Variants in CALD1 observed in about 807,000 individuals in gnomAD.
CALD1 encodes caldesmon.
CALD1 carries 33 observed loss-of-function variants against 99.9 expected under a neutral mutation model. The ratio of observed to expected loss-of-function variants is 0.33; its 90% CI spans 0.25 to 0.44. CALD1 has a LOEUF of 0.44. Among genes scored for constraint, CALD1 ranks in the 20% least tolerant of loss-of-function variants. The pLI is 1.00. For synonymous variants in CALD1, 310 were observed against 325.0 expected, an observed-to-expected ratio of 0.95 and a Z score of 0.50; for missense variants, 861 against 962.1, an observed-to-expected ratio of 0.89 and a Z score of 1.39.
chr7:134,864,049 T>A (rs1369592459), intron 2 of CALD1, among the ~76,000 whole-genome samples: 1 of 152,120 alleles, frequency 6.6e-6, no homozygotes, highest in Admixed American at 6.5e-5. Flanking sequence ...GGCTCGTGGC[T>A]TTGTTCAAAA....
intron 11 of CALD1, 117 bp downstream of exon 11, chr7:134,958,407 A>AT (rs5887717): frequency 0.044 from 23,192 of 524,080 alleles, 56 homozygotes; most frequent in South Asian, 0.075. Context: ...GAGTGTTAGA[A>AT]TTTTTTTTTT....
At chr7:134,946,044 C>T (rs972434195) in intron 7 of CALD1, among the ~76,000 whole-genome samples, 14 of 152,238 alleles carry the variant, frequency 9.2e-5, no homozygotes, top group Middle Eastern at 3.4e-3. Context: ...TCCAGGCAGA[C>T]CCAAGTTAAC....
chr7:134,737,390 A>T, the CALD1 span, among the ~76,000 whole-genome samples: 1 of 152,114 alleles, frequency 6.6e-6, no homozygotes. Flanking sequence ...TGGCTTCCCA[A>T]AGTACTGGGA....
chr7:134,821,711 T>G (rs577314801), intron 1 of CALD1, among the ~76,000 whole-genome samples: 1 of 150,852 alleles, frequency 6.6e-6, no homozygotes, highest in Non-Finnish European at 1.5e-5. Flanking sequence ...GCCTCCTGAG[T>G]AGCTGGGATT....
chr7:134,923,636 G>A (rs1181206071), intron 3 of CALD1, among the ~76,000 whole-genome samples: 1 of 152,164 alleles, frequency 6.6e-6, no homozygotes, highest in African/African-American at 2.4e-5. Flanking sequence ...TTTAAATCTG[G>A]CGTGTGGAAA....
chr7:134,747,399 G>T (rs1390980265), intron 1 of CALD1, among the ~76,000 whole-genome samples: 1 of 152,196 alleles, frequency 6.6e-6, no homozygotes, highest in East Asian at 1.9e-4. Context: ...AACCCTAGAG[G>T]GAGTTGTTCA....
At chr7:134,766,222 G>T (rs1407885322) in intron 1 of CALD1, among the ~76,000 whole-genome samples, 1 of 138,600 alleles carries the variant, frequency 7.2e-6, no homozygotes, top group Admixed American at 7.7e-5. Context: ...CACGATCTTG[G>T]CTCACTGCAA....
intron 1 of CALD1, among the ~76,000 whole-genome samples, chr7:134,824,490 T>A (rs992547543): frequency 6.6e-6 from 1 of 152,180 alleles, no homozygotes; most frequent in Non-Finnish European, 1.5e-5. Context: ...TTCTTCTTCC[T>A]CTTCTTCTTT....
the CALD1 span, among the ~76,000 whole-genome samples, chr7:134,737,313 G>C: frequency 1.3e-5 from 2 of 149,768 alleles, no homozygotes; most frequent in African/African-American, 4.9e-5. Context: ...TTTTTTTGTA[G>C]AGGCGGGGTT....
the CALD1 span, among the ~76,000 whole-genome samples, chr7:134,723,578 C>T: frequency 2.7e-5 from 3 of 112,910 alleles, no homozygotes; most frequent in East Asian, 6.1e-4. Flanking sequence ...AAACTGCAAG[C>T]TCAAAACCAG....
chr7:134,739,477 G>T (rs1171427984), upstream of CALD1, among the ~76,000 whole-genome samples: 1 of 152,122 alleles, frequency 6.6e-6, no homozygotes, highest in African/African-American at 2.4e-5. Flanking sequence ...AGCCAAGCTT[G>T]CTGTTCACTT....
the CALD1 span, among the ~76,000 whole-genome samples, chr7:134,732,891 C>A: frequency 6.6e-6 from 1 of 152,238 alleles, no homozygotes; most frequent in African/African-American, 2.4e-5. Flanking sequence ...GCGGGATGGG[C>A]CCAGGCCTGG....
At chr7:134,943,686 C>G (rs1427173673) in intron 7 of CALD1, among the ~76,000 whole-genome samples, 1 of 151,984 alleles carries the variant, frequency 6.6e-6, no homozygotes, top group East Asian at 1.9e-4. Flanking sequence ...TAAAAATAAG[C>G]ACCCACCACC....
chr7:134,896,173 G>A (rs1029837634), intron 3 of CALD1, among the ~76,000 whole-genome samples: 2 of 152,326 alleles, frequency 1.3e-5, no homozygotes, highest in African/African-American at 2.4e-5. Flanking sequence ...CCTGCATCAG[G>A]AATAAGAACT....
chr7:134,881,897 T>C (rs1801620978), intron 3 of CALD1, among the ~76,000 whole-genome samples: 1 of 152,222 alleles, frequency 6.6e-6, no homozygotes, highest in Non-Finnish European at 1.5e-5. Flanking sequence ...GCAGACGATT[T>C]AAAATCCTGG....
intron 1 of CALD1, among the ~76,000 whole-genome samples, chr7:134,787,814 GT>G (rs1026287068): frequency 6.6e-6 from 1 of 152,172 alleles, no homozygotes; most frequent in Non-Finnish European, 1.5e-5. Context: ...AGAGCCAAAA[GT>G]TTCTCTGCAA....
intron 6 of CALD1, among the ~76,000 whole-genome samples, chr7:134,938,015 G>A (rs570890981): frequency 1.4e-4 from 21 of 152,266 alleles, no homozygotes; most frequent in Non-Finnish European, 2.4e-4. Flanking sequence ...AGTGATGTTC[G>A]TGTCATGCGG....
At chr7:134,767,497 G>GC (rs1158925985) in intron 1 of CALD1, among the ~76,000 whole-genome samples, 1 of 152,102 alleles carries the variant, frequency 6.6e-6, no homozygotes, top group Non-Finnish European at 1.5e-5. Context: ...TCTTATTTGC[G>GC]CCCCTCACAA....
At chr7:134,941,619 T>G (rs1191460194) in intron 7 of CALD1, among the ~76,000 whole-genome samples, 1 of 151,092 alleles carries the variant, frequency 6.6e-6, no homozygotes, top group African/African-American at 2.4e-5. Context: ...GAGACCTTTC[T>G]CAGTACCATT....
Sources: gnomAD v4.1 joint callset for allele counts (sites outside exome capture counted in the v4.1 genomes callset) on GRCh38, gnomAD v4.1.1 for gene constraint, MANE v1.5 for transcripts, NCBI Gene and HGNC (gene_info 2026-07-23, HGNC 2026-07-21) for gene names.